The following AJAP1 variants were observed in gnomAD, a reference collection of about 807,000 sequenced individuals.
The protein encoded by AJAP1 is adherens junctions associated protein 1.
In AJAP1, 5 loss-of-function variants were observed where a neutral mutation model predicts 35.0. The ratio of observed to expected loss-of-function variants is 0.14; its 90% CI spans 0.07 to 0.30. AJAP1 has a LOEUF of 0.30. AJAP1 is among the 10% of genes least tolerant of loss of function. The pLI is 1.00. For missense variants in AJAP1, 586 were observed against 571.0 expected (o/e 1.03, Z -0.27); for synonymous variants, 284 against 249.3 (o/e 1.14, Z -1.31).
intron 2 of AJAP1, among the ~76,000 whole-genome samples, chr1:4,725,576 C>A (rs1279949604): frequency 6.6e-6 from 1 of 152,190 alleles, no homozygotes; most frequent in Non-Finnish European, 1.5e-5. Context: ...TAGAGGTCAC[C>A]AGCTCCTTCC....
chr1:4,780,211 G>A (rs914182387), intron 5 of AJAP1, among the ~76,000 whole-genome samples: 2 of 149,542 alleles, frequency 1.3e-5, no homozygotes, highest in Non-Finnish European at 3.0e-5. Context: ...TGCCTTTACC[G>A]TCCTGTGCAG....
rs373688599 is a variant in AJAP1, at chr1:4,709,406, G to C, written c.30-2494G>C. Among the ~76,000 whole-genome samples, 72 of 151,992 alleles carry C rather than the reference G, an allele frequency of 4.7e-4. No individual in the cohort carries two copies. The South Asian group carries it at 0.015, about 32-fold the overall frequency. On this transcript the variant is annotated intron_variant, in intron 1 of 5. Transcript: ENST00000378191. Reference sequence around the variant, plus strand: ...TGGTGAGCTTGGTGGAGTGTGGTGGGGCCTGGTGAGGCCTGGTGAGGTCTG... The same window carrying C: ...TGGTGAGCTTGGTGGAGTGTGGTGGCGCCTGGTGAGGCCTGGTGAGGTCTG...
intron 2 of AJAP1, among the ~76,000 whole-genome samples, chr1:4,745,777 T>G (rs1239767676): frequency 6.6e-6 from 1 of 152,124 alleles, no homozygotes; most frequent in East Asian, 1.9e-4. Context: ...TGGGCAGCGC[T>G]TCCTCTCCAA....
chr1:4,756,537 G>A (rs1055575768), intron 2 of AJAP1, among the ~76,000 whole-genome samples: 1 of 152,224 alleles, frequency 6.6e-6, no homozygotes, highest in Admixed American at 6.5e-5. Context: ...GTCTAGGGCA[G>A]AACAGAGATG....
chr1:4,661,053 C>T (rs1638988273), intron 1 of AJAP1, among the ~76,000 whole-genome samples: 2 of 152,170 alleles, frequency 1.3e-5, no homozygotes, highest in South Asian at 4.1e-4. Flanking sequence ...ACATGAGCCT[C>T]AAGCTTGAGA....
intron 1 of AJAP1, among the ~76,000 whole-genome samples, chr1:4,682,745 T>G (rs893020244): frequency 4.0e-5 from 6 of 151,280 alleles, no homozygotes; most frequent in South Asian, 2.1e-4. Flanking sequence ...ACTGGTGGTG[T>G]TGGTGGTGGT....
rs1255764741 is a variant in AJAP1 at position 4,689,141 on chromosome 1, G to C, written c.30-22759G>C. Among the ~76,000 whole-genome samples, 4 of 152,250 alleles carry C rather than the reference G, an allele frequency of 2.6e-5. No homozygotes were observed. In the East Asian group the frequency reaches 7.8e-4, roughly 30 times the overall value. On this transcript the variant is annotated intron_variant, in intron 1 of 5. Transcript: ENST00000378191. ...TCCTGAGGTCATGTAGAGGGAATGG[G>C]TGTCCAGAACGGTCCCTGACAGAGT...
chr1:4,776,152 A>G (rs953106362), intron 5 of AJAP1, among the ~76,000 whole-genome samples: 1 of 152,262 alleles, frequency 6.6e-6, no homozygotes, highest in African/African-American at 2.4e-5. Flanking sequence ...CAGCCCCGTA[A>G]TACGGATGTT....
intron 2 of AJAP1, among the ~76,000 whole-genome samples, chr1:4,732,415 G>C (rs1485540946): frequency 2.0e-5 from 3 of 152,264 alleles, no homozygotes; most frequent in African/African-American, 7.2e-5. Context: ...TGTGGCTGCT[G>C]GAGAGGGGAC....
chr1:4,686,495 C>T (rs1392454838), intron 1 of AJAP1, among the ~76,000 whole-genome samples: 1 of 152,172 alleles, frequency 6.6e-6, no homozygotes, highest in Non-Finnish European at 1.5e-5. Context: ...AGGAACACCC[C>T]ATACATAGTT....
chr1:4,776,460 T>C (rs990586943), intron 5 of AJAP1, among the ~76,000 whole-genome samples: 4 of 152,162 alleles, frequency 2.6e-5, no homozygotes, highest in African/African-American at 9.7e-5. Flanking sequence ...GCTGCCTGGC[T>C]CCGGGACATC....
At chr1:4,690,074 C>T (rs770709877) in intron 1 of AJAP1, among the ~76,000 whole-genome samples, 2 of 152,188 alleles carry the variant, frequency 1.3e-5, no homozygotes, top group Non-Finnish European at 2.9e-5. Flanking sequence ...GCATTTCCCA[C>T]TCGCTGACAA....
intron 5 of AJAP1, among the ~76,000 whole-genome samples, chr1:4,780,222 G>T (rs1293592728): frequency 6.6e-6 from 1 of 151,344 alleles, no homozygotes; most frequent in South Asian, 2.1e-4. Context: ...TCCTGTGCAG[G>T]CATCTTCACA....
Position 4,791,275 on chromosome 1 carries a change from A to G in AJAP1, c.*8790A>G, listed in dbSNP as rs556314255. On this transcript the variant is annotated 3_prime_UTR_variant, in exon 6 of 6. Transcript: ENST00000378191. Reference sequence around the variant, plus strand: ...AGACCCAGAAAGTATTGAACTGGACATTGAATGAAGCTTGAGGCCATGCAT... The same window carrying G: ...AGACCCAGAAAGTATTGAACTGGACGTTGAATGAAGCTTGAGGCCATGCAT... 9 of 152,378 alleles carry G rather than the reference A, an allele frequency of 5.9e-5. No individual in the cohort carries two copies. In the South Asian group the frequency reaches 1.7e-3, roughly 28 times the overall value. The allele number at this position is 152,378 out of a possible 1,614,324, so 9.4% of individuals were successfully genotyped here. A position where few individuals can be genotyped will look rare whatever the true frequency, so the allele number is the denominator to read the frequency against.
intron 1 of AJAP1, among the ~76,000 whole-genome samples, chr1:4,664,655 A>C (rs959938542): frequency 2.0e-5 from 3 of 151,914 alleles, no homozygotes; most frequent in Non-Finnish European, 2.9e-5. Context: ...GATTTTGCTC[A>C]TTTCCTGGGC....
rs1638859903 is a variant in AJAP1 at position 4,655,576 on chromosome 1, G to C, written c.29+122G>C. 8.0e-7 allele frequency: 1 copy of C among 1,248,420 alleles called. No individual in the cohort carries two copies. The highest frequency in any genetic ancestry group is 1.1e-6 in the Non-Finnish European group (1 of 923,418). The allele number at this position is 1,248,420 out of a possible 1,614,324, so 77.3% of individuals were successfully genotyped here. On this transcript the variant is annotated intron_variant, in intron 1 of 5. Transcript: ENST00000378191. This position sits in a 1 kb window ranked among gnomAD's most constrained non-coding sequence, Gnocchi z 6.9. ...TCTTCGCTTCCCGCAAGCGGGCAAC[G>C]GGGTGCACCGGTAGCCGGAAAGGGG...
intron 2 of AJAP1, among the ~76,000 whole-genome samples, chr1:4,740,548 G>A (rs1317179758): frequency 6.6e-6 from 1 of 151,944 alleles, no homozygotes; most frequent in African/African-American, 2.4e-5. Context: ...CACTTTGGGA[G>A]GCCGAGGCGG....
At chr1:4,766,957 A>G (rs952718771) in intron 2 of AJAP1, among the ~76,000 whole-genome samples, 2 of 152,148 alleles carry the variant, frequency 1.3e-5, no homozygotes, top group Admixed American at 1.3e-4. Flanking sequence ...GGGATCCTGT[A>G]GAAAGCATAG....
chr1:4,692,297 C>T lies in AJAP1; in HGVS notation c.30-19603C>T, dbSNP rs1007766495. Among the ~76,000 whole-genome samples, 9 of 152,174 alleles carry T rather than the reference C, an allele frequency of 5.9e-5. No homozygotes were observed. Among genetic ancestry groups the T allele is most frequent in the African/African-American group, 2.2e-4 (9 of 41,440 alleles). Reference sequence around the variant, plus strand: ...AGGGCTTCTCGGGCTCCTCACCCCGCGCCCTGGGCTGCTCTCCTCTCTCCG... The same window carrying T: ...AGGGCTTCTCGGGCTCCTCACCCCGTGCCCTGGGCTGCTCTCCTCTCTCCG... On this transcript the variant is annotated intron_variant, in intron 1 of 5. Coordinates refer to ENST00000378191, the MANE Select transcript of AJAP1 (RefSeq NM_018836.4). This position sits in a 1 kb window ranked among gnomAD's most constrained non-coding sequence, Gnocchi z 4.4.
Sources: allele counts gnomAD v4.1 joint callset (sites outside exome capture counted in the v4.1 genomes callset), GRCh38; gene constraint gnomAD v4.1.1; non-coding constraint Gnocchi (gnomAD v3.1); transcripts MANE v1.5; gene names NCBI Gene and HGNC (gene_info 2026-07-23, HGNC 2026-07-21).